The following GRM3 variants were observed in gnomAD, a reference collection of about 807,000 sequenced individuals.
GRM3 encodes the protein glutamate metabotropic receptor 3.
In GRM3, 26 loss-of-function variants were observed where a neutral mutation model predicts 70.5. The observed-to-expected ratio is 0.37, with a 90% CI of 0.27 to 0.51. The LOEUF (loss-of-function observed/expected upper bound fraction) is 0.51. Among genes scored for constraint, GRM3 ranks in the 20% least tolerant of loss-of-function variants. The probability of loss-of-function intolerance (pLI) is 0.93; values close to 1 mark genes in which losing one functional copy is unlikely to be tolerated. For missense variants in GRM3, 859 were observed against 1,123.8 expected (o/e 0.76, Z 3.37); for synonymous variants, 443 against 434.9 (o/e 1.02, Z -0.23).
intron 1 of GRM3, among the ~76,000 whole-genome samples, chr7:86,719,500 T>C (rs933898771): frequency 6.6e-6 from 1 of 152,056 alleles, no homozygotes. Flanking sequence ...AATGCTTTGA[T>C]AGGCATTTAT....
intron 1 of GRM3, among the ~76,000 whole-genome samples, chr7:86,717,477 A>G (rs937908970): frequency 6.6e-6 from 1 of 152,014 alleles, no homozygotes; most frequent in Non-Finnish European, 1.5e-5. Context: ...ACTTTCCTTC[A>G]TCCATCTCTC....
At chr7:86,655,033 C>A (rs1793699984) in intron 1 of GRM3, among the ~76,000 whole-genome samples, 1 of 152,166 alleles carries the variant, frequency 6.6e-6, no homozygotes, top group African/African-American at 2.4e-5. Context: ...GTGTTAAAAG[C>A]ATTAAATATA....
chr7:86,707,020 C>T (rs537232782), intron 1 of GRM3, among the ~76,000 whole-genome samples: 1 of 152,100 alleles, frequency 6.6e-6, no homozygotes, highest in East Asian at 1.9e-4. Context: ...AGGAAATATA[C>T]TTCCCTAGAA....
intron 2 of GRM3, among the ~76,000 whole-genome samples, chr7:86,781,913 C>T (rs888802348): frequency 1.3e-5 from 2 of 152,008 alleles, no homozygotes; most frequent in African/African-American, 4.8e-5. Context: ...TTCTCTTTTC[C>T]TCAAGAGTCC....
intron 1 of GRM3, among the ~76,000 whole-genome samples, chr7:86,737,096 C>T (rs563632548): frequency 1.2e-4 from 18 of 152,054 alleles, no homozygotes; most frequent in Middle Eastern, 3.4e-3. Context: ...CCAAACTCAG[C>T]TGCTAGGTAA....
chr7:86,662,430 A>C (rs982666271), intron 1 of GRM3, among the ~76,000 whole-genome samples: 10 of 151,840 alleles, frequency 6.6e-5, no homozygotes, highest in Admixed American at 2.6e-4. Flanking sequence ...GACACAATGA[A>C]CCCTCAATAA....
chr7:86,713,569 C>T (rs1477265442), intron 1 of GRM3, among the ~76,000 whole-genome samples: 1 of 151,882 alleles, frequency 6.6e-6, no homozygotes, highest in Admixed American at 6.6e-5. Flanking sequence ...CCCTCCCTAC[C>T]CCCCGTCAAA....
intron 1 of GRM3, among the ~76,000 whole-genome samples, chr7:86,760,841 A>T (rs1796461347): frequency 1.3e-5 from 2 of 152,142 alleles, no homozygotes; most frequent in Non-Finnish European, 2.9e-5. Context: ...TTACTTAGAT[A>T]TGCCCTGTCA....
intron 1 of GRM3, among the ~76,000 whole-genome samples, chr7:86,761,538 A>G (rs1010851885): frequency 2.6e-5 from 4 of 152,116 alleles, no homozygotes; most frequent in African/African-American, 9.7e-5. Flanking sequence ...TTTAATTCCC[A>G]TTTCCCATAC....
intron 1 of GRM3, among the ~76,000 whole-genome samples, chr7:86,749,289 T>C (rs1370020928): frequency 6.6e-6 from 1 of 152,070 alleles, no homozygotes; most frequent in Non-Finnish European, 1.5e-5. Flanking sequence ...TCCTATAAAG[T>C]GGCAGCCCTC....
intron 1 of GRM3, among the ~76,000 whole-genome samples, chr7:86,751,468 A>C (rs1043891285): frequency 3.9e-5 from 6 of 152,114 alleles, no homozygotes; most frequent in African/African-American, 1.4e-4. Context: ...AGACATAATA[A>C]GCAATTTTGT....
chr7:86,801,276 G>A (rs934309036), intron 3 of GRM3, among the ~76,000 whole-genome samples: 1 of 151,848 alleles, frequency 6.6e-6, no homozygotes, highest in African/African-American at 2.4e-5. Flanking sequence ...TCACTATGTT[G>A]GCCAGGCTGA....
intron 1 of GRM3, among the ~76,000 whole-genome samples, chr7:86,758,596 C>T (rs970559391): frequency 9.2e-5 from 14 of 151,952 alleles, no homozygotes; most frequent in African/African-American, 2.2e-4. Flanking sequence ...TGAAGGGAAG[C>T]GAATAAATCT....
chr7:86,706,335 A>G (rs1327689447), intron 1 of GRM3, among the ~76,000 whole-genome samples: 1 of 152,044 alleles, frequency 6.6e-6, no homozygotes, highest in Admixed American at 6.6e-5. Context: ...TGCAATTTGT[A>G]TGGTATGATA....
In GRM3 at chr7:86,839,815, A is replaced by G. The variant is rs1428347581; in HGVS notation, c.2301A>G (p.Glu767=). 6.2e-7 allele frequency: 1 copy of G among 1,613,982 alleles called. No homozygotes were observed. The highest frequency in any genetic ancestry group is 1.3e-5 in the African/African-American group (1 of 74,904). ...KTRKCPENFN[E]AKFIGFTMYT... is the part of the protein sequence containing the mutation. Reference sequence around the variant, plus strand: ...GGAAGTGCCCAGAAAATTTCAACGAAGCTAAGTTCATAGGTTTTACCATGT... The same window carrying G: ...GGAAGTGCCCAGAAAATTTCAACGAGGCTAAGTTCATAGGTTTTACCATGT... Residue 767 remains glutamate, a synonymous_variant, in exon 4 of 6, where the codon GAA becomes GAG. Coordinates refer to ENST00000361669, the MANE Select transcript of GRM3 (RefSeq NM_000840.3). This position sits in a 1 kb window ranked among gnomAD's most constrained non-coding sequence, Gnocchi z 4.5.
At chr7:86,699,134 C>T (rs759152875) in intron 1 of GRM3, among the ~76,000 whole-genome samples, 91 of 152,000 alleles carry the variant, frequency 6.0e-4, no homozygotes, top group East Asian at 3.9e-4. Context: ...AGGAACCAGA[C>T]GTTTGAGCTT....
At chr7:86,665,436 A>G (rs562045332) in intron 1 of GRM3, among the ~76,000 whole-genome samples, 70 of 152,206 alleles carry the variant, frequency 4.6e-4, no homozygotes, top group African/African-American at 1.6e-3. Context: ...ACTGATTTCT[A>G]CCAATGCTAA....
At chr7:86,656,943 C>T (rs1247815936) in intron 1 of GRM3, among the ~76,000 whole-genome samples, 1 of 151,980 alleles carries the variant, frequency 6.6e-6, no homozygotes, top group Non-Finnish European at 1.5e-5. Context: ...TTAGCAGAGT[C>T]TATAATAATG....
chr7:86,654,312 G>T (rs2115794320), intron 1 of GRM3, among the ~76,000 whole-genome samples: 1 of 152,204 alleles, frequency 6.6e-6, no homozygotes, highest in African/African-American at 2.4e-5. Flanking sequence ...AAAAAACAGA[G>T]CACACCCCCA....
Sources: gnomAD v4.1 joint callset for allele counts (sites outside exome capture counted in the v4.1 genomes callset) on GRCh38, gnomAD v4.1.1 for gene constraint, Gnocchi (gnomAD v3.1) non-coding constraint, MANE v1.5 for transcripts, NCBI Gene and HGNC (gene_info 2026-07-23, HGNC 2026-07-21) for gene names.